The following RNF141 variants were observed in gnomAD, a reference collection of about 807,000 sequenced individuals.
The protein encoded by RNF141 is ring finger protein 141.
A neutral mutation model predicts 27.4 loss-of-function variants in RNF141; 18 were observed. The ratio of observed to expected loss-of-function variants is 0.66; its 90% CI spans 0.45 to 0.97. The LOEUF (loss-of-function observed/expected upper bound fraction) is 0.97. Among genes scored for constraint, RNF141 ranks in the 50% least tolerant of loss-of-function variants. The pLI is 0.00. For missense variants in RNF141, 230 were observed against 279.4 expected (o/e 0.82, Z 1.26); for synonymous variants, 97 against 96.6 (o/e 1.00, Z -0.02).
chr11:10,540,343 G>A (rs181711647), intron 1 of RNF141, among the ~76,000 whole-genome samples: 1 of 152,188 alleles, frequency 6.6e-6, no homozygotes, highest in Non-Finnish European at 1.5e-5. Flanking sequence ...AATATAAAAG[G>A]TACACTACCT....
rs932183200 is a variant in RNF141, at chr11:10,514,349, T to G, written c.*567A>C. On this transcript the variant is annotated 3_prime_UTR_variant, in exon 6 of 6. Transcript: ENST00000265981. ...GTTCCAAAACACACTGCTAAAGTTA[T>G]GAAATAATTGTGGATCATTTCAAGT... The G allele has an allele frequency of 1.3e-5, 2 of 152,618 alleles. No homozygotes were observed. Among genetic ancestry groups the G allele is most frequent in the Non-Finnish European group, 2.9e-5 (2 of 68,044 alleles). 9.5% of individuals were successfully genotyped at this position (152,618 alleles called of 1,614,324 possible). A position where few individuals can be genotyped will look rare whatever the true frequency, so the allele number is the denominator to read the frequency against.
chr11:10,527,445 G>A (rs1357934321), intron 3 of RNF141, among the ~76,000 whole-genome samples: 1 of 148,498 alleles, frequency 6.7e-6, no homozygotes, highest in East Asian at 1.9e-4. Context: ...GAGACAACAG[G>A]AAATACAAAG....
chr11:10,534,278 A>G, intron 1 of RNF141, 73 bp from the exon 2 acceptor site: 2 of 1,070,896 alleles, frequency 1.9e-6, no homozygotes, highest in Non-Finnish European at 2.7e-6. Context: ...TCAAAAACAT[A>G]AAGAAAAACT....
chr11:10,526,230 G>C (rs1241869678), intron 3 of RNF141, among the ~76,000 whole-genome samples: 2 of 152,138 alleles, frequency 1.3e-5, no homozygotes, highest in African/African-American at 4.8e-5. Flanking sequence ...GTGCATATCA[G>C]AGTAAGAACA....
chr11:10,516,142 T>C (rs978443452), intron 5 of RNF141: 2 of 152,222 alleles, frequency 1.3e-5, no homozygotes, highest in Non-Finnish European at 2.9e-5. Context: ...AGCTGGCATA[T>C]ATTATTTAGG....
intron 3 of RNF141, 59 bp from the exon 4 acceptor site, chr11:10,525,432 C>G: frequency 7.7e-7 from 1 of 1,306,328 alleles, no homozygotes; most frequent in Non-Finnish European, 1.1e-6. Context: ...CAATTTTTCC[C>G]AAAAAGGGGG....
At position 10,513,067 on chromosome 11, in the gene RNF141, A is replaced by T. The variant is rs950514238; in HGVS notation, c.*1849T>A. On this transcript the variant is annotated 3_prime_UTR_variant, in exon 6 of 6. Coordinates refer to ENST00000265981, the MANE Select transcript of RNF141 (RefSeq NM_016422.4). ...TCTAAAGTAAGAACACATAAACAAG[A>T]GTAAGAGACTTTCTCAAGGTCACAC... 1 of 152,242 alleles carries T rather than the reference A, an allele frequency of 6.6e-6. No homozygotes were observed. Among genetic ancestry groups the T allele is most frequent in the Admixed American group, 6.5e-5 (1 of 15,284 alleles). The allele number at this position is 152,242 out of a possible 1,614,324, so 9.4% of individuals were successfully genotyped here. A position where few individuals can be genotyped will look rare whatever the true frequency, so the allele number is the denominator to read the frequency against.
intron 4 of RNF141, 28 bp downstream of exon 4, chr11:10,525,164 T>C (rs749839722): frequency 6.9e-7 from 1 of 1,459,488 alleles, no homozygotes; most frequent in East Asian, 2.4e-5. Context: ...AGAAAATAAG[T>C]GAAATACAAT....
intron 3 of RNF141, 48 bp from the exon 4 acceptor site, chr11:10,525,421 C>T (rs1026757249): frequency 7.1e-7 from 1 of 1,412,014 alleles, no homozygotes; most frequent in African/African-American, 1.4e-5. Flanking sequence ...ATTTCTCTGA[C>T]CAATTTTTCC....
chr11:10,533,728 T>C (rs560791622), intron 2 of RNF141, among the ~76,000 whole-genome samples: 2 of 152,212 alleles, frequency 1.3e-5, no homozygotes, highest in African/African-American at 4.8e-5. Context: ...TGGTATAAAA[T>C]TGAGATGCTG....
At chr11:10,530,509 A>C in intron 3 of RNF141, 134 bp downstream of exon 3, 1 of 459,834 alleles carries the variant, frequency 2.2e-6, no homozygotes. Flanking sequence ...AGGCAATAAC[A>C]GTAACAAAAC....
chr11:10,536,981 A>T (rs958706528), intron 1 of RNF141, among the ~76,000 whole-genome samples: 1 of 151,782 alleles, frequency 6.6e-6, no homozygotes, highest in African/African-American at 2.4e-5. Context: ...ATGGGCATAG[A>T]AAAAAAAAGA....
At chr11:10,531,033 A>C (rs570203533) in intron 2 of RNF141, among the ~76,000 whole-genome samples, 2 of 152,148 alleles carry the variant, frequency 1.3e-5, no homozygotes, top group African/African-American at 4.8e-5. Flanking sequence ...ATGGTCTTTA[A>C]ATTTCTAACA....
chr11:10,514,298 A>G lies in RNF141; in HGVS notation c.*618T>C, dbSNP rs1209373554. 3.9e-5 allele frequency: 6 copies of G among 152,454 alleles called. No homozygotes were observed. The East Asian group carries it at 1.2e-3, about 29-fold the overall frequency. The allele number at this position is 152,454 out of a possible 1,614,324, so 9.4% of individuals were successfully genotyped here. A position where few individuals can be genotyped will look rare whatever the true frequency, so the allele number is the denominator to read the frequency against. On this transcript the variant is annotated 3_prime_UTR_variant, in exon 6 of 6. Transcript: ENST00000265981. Reference sequence around the variant, plus strand: ...CCAAATTATACAGTATGGCAAAAACAAACAAACAAACCTTTAAGTACAGTA... The same window carrying G: ...CCAAATTATACAGTATGGCAAAAACGAACAAACAAACCTTTAAGTACAGTA...
rs1392635511 is a variant in RNF141 at position 10,518,814 on chromosome 11, GAA to G, written c.542+218_542+219del. On this transcript the variant is annotated intron_variant, in intron 5 of 5. Coordinates refer to ENST00000265981, the MANE Select transcript of RNF141 (RefSeq NM_016422.4). The stretch of plus-strand genomic sequence containing the variant: ...AGGCACAAATTTTCATACAGCAAAA[GAA>G]AAGTGTCAAAACTAAGGTACACCCC... 1.7e-5 allele frequency: 7 copies of G among 408,986 alleles called. 1 individual carries two copies. Among genetic ancestry groups the G allele is most frequent in the Non-Finnish European group, 3.0e-5 (7 of 230,134 alleles). 25.3% of individuals were successfully genotyped at this position (408,986 alleles called of 1,614,324 possible).
At chr11:10,535,066 A>C (rs1457377140) in intron 1 of RNF141, among the ~76,000 whole-genome samples, 1 of 148,566 alleles carries the variant, frequency 6.7e-6, no homozygotes, top group East Asian at 2.1e-4. Context: ...ATGCCCCCCC[A>C]AGAAATTCTA....
At chr11:10,537,462 T>C (rs186628646) in intron 1 of RNF141, among the ~76,000 whole-genome samples, 102 of 152,340 alleles carry the variant, frequency 6.7e-4, no homozygotes, top group African/African-American at 2.4e-3. Flanking sequence ...TTTTGAAATA[T>C]ATAGTCTCAA....
chr11:10,521,643 G>T (rs1849888454), intron 4 of RNF141, among the ~76,000 whole-genome samples: 1 of 152,198 alleles, frequency 6.6e-6, no homozygotes, highest in African/African-American at 2.4e-5. Context: ...ATTAAATATA[G>T]TAAGTGCTAA....
At chr11:10,519,361 A>G (rs776646363) in intron 4 of RNF141, among the ~76,000 whole-genome samples, 5 of 152,148 alleles carry the variant, frequency 3.3e-5, no homozygotes, top group Non-Finnish European at 7.3e-5. Flanking sequence ...AAGAAAGACT[A>G]GATAAAAGAT....
Sources: gnomAD v4.1 joint callset for allele counts (sites outside exome capture counted in the v4.1 genomes callset) on GRCh38, gnomAD v4.1.1 for gene constraint, MANE v1.5 for transcripts, NCBI Gene and HGNC (gene_info 2026-07-23, HGNC 2026-07-21) for gene names.